Variants in LOC128706666 observed in about 807,000 individuals in gnomAD.
the LOC128706666 span, among the ~76,000 whole-genome samples, chr20:10,414,910 G>A: frequency 2.0e-5 from 3 of 152,076 alleles, no homozygotes; most frequent in East Asian, 3.9e-4. Flanking sequence ...CCTAGTCAAC[G>A]AATCCTCCCC....
the LOC128706666 span, chr20:10,420,849 G>A: frequency 2.6e-5 from 4 of 152,122 alleles, no homozygotes; most frequent in South Asian, 8.3e-4. Context: ...GTAGCATGCT[G>A]TACTCTAACA....
At chr20:10,433,248 G>A in the LOC128706666 span, among the ~76,000 whole-genome samples, 4 of 152,122 alleles carry the variant, frequency 2.6e-5, no homozygotes, top group Non-Finnish European at 5.9e-5. Flanking sequence ...CAAGTGATCC[G>A]CCCGCCTCGG....
At chr20:10,418,805 T>A in the LOC128706666 span, among the ~76,000 whole-genome samples, 1 of 152,138 alleles carries the variant, frequency 6.6e-6, no homozygotes, top group African/African-American at 2.4e-5. Flanking sequence ...ACAATATACA[T>A]ACATAATATA....
chr20:10,417,381 CAGG>C, the LOC128706666 span, among the ~76,000 whole-genome samples: 2 of 152,108 alleles, frequency 1.3e-5, no homozygotes, highest in Non-Finnish European at 2.9e-5. Context: ...GAGGCCAAGG[CAGG>C]AGGATTGCTT....
chr20:10,425,053 CAA>C, the LOC128706666 span, among the ~76,000 whole-genome samples: 9 of 122,264 alleles, frequency 7.4e-5, no homozygotes, highest in Non-Finnish European at 8.8e-5. Context: ...AACTCCGTCT[CAA>C]AAAAAAAAAA....
At chr20:10,418,632 C>T in the LOC128706666 span, among the ~76,000 whole-genome samples, 1 of 152,118 alleles carries the variant, frequency 6.6e-6, no homozygotes, top group Non-Finnish European at 1.5e-5. Flanking sequence ...ACTACATTCA[C>T]CTAACATTTT....
At chr20:10,422,753 C>A in the LOC128706666 span, among the ~76,000 whole-genome samples, 39 of 151,392 alleles carry the variant, frequency 2.6e-4, no homozygotes, top group African/African-American at 9.0e-4. Flanking sequence ...GCTCTGTCAC[C>A]CAAGCTGTAG....
the LOC128706666 span, among the ~76,000 whole-genome samples, chr20:10,421,718 TAGACAA>T: frequency 1.7e-3 from 257 of 152,140 alleles, no homozygotes; most frequent in Non-Finnish European, 3.5e-3. Flanking sequence ...CGACCTAGTT[TAGACAA>T]AGAAACTGGG....
At chr20:10,432,984 C>T in the LOC128706666 span, among the ~76,000 whole-genome samples, 24 of 152,128 alleles carry the variant, frequency 1.6e-4, no homozygotes, top group African/African-American at 5.8e-4. Context: ...ACAGATGTAA[C>T]CATCTTTTTT....
the LOC128706666 span, chr20:10,413,998 T>C: frequency 2.5e-6 from 1 of 395,528 alleles, no homozygotes; most frequent in Non-Finnish European, 4.4e-6. Context: ...TGCAGTTTAA[T>C]AATTTATTCT....
chr20:10,422,199 A>G, the LOC128706666 span, among the ~76,000 whole-genome samples: 1 of 152,146 alleles, frequency 6.6e-6, no homozygotes, highest in Non-Finnish European at 1.5e-5. Context: ...AAAGGTCTCA[A>G]TTCATATTTT....
the LOC128706666 span, among the ~76,000 whole-genome samples, chr20:10,430,074 C>T: frequency 2.2e-3 from 334 of 152,316 alleles, 1 homozygote; most frequent in Middle Eastern, 6.8e-3. Flanking sequence ...TGGTTGTATT[C>T]CTGCTTTGCT....
the LOC128706666 span, among the ~76,000 whole-genome samples, chr20:10,431,107 A>G: frequency 6.6e-6 from 1 of 152,226 alleles, no homozygotes; most frequent in Non-Finnish European, 1.5e-5. Flanking sequence ...GGAAGTGCTC[A>G]ATACACGGCA....
chr20:10,429,822 C>T, the LOC128706666 span, among the ~76,000 whole-genome samples: 2 of 152,172 alleles, frequency 1.3e-5, no homozygotes, highest in Non-Finnish European at 2.9e-5. Flanking sequence ...CTCAACAGTG[C>T]CATTAGCAAC....
the LOC128706666 span, among the ~76,000 whole-genome samples, chr20:10,427,029 G>GACACAC: frequency 0.046 from 6,006 of 130,630 alleles, 199 homozygotes; most frequent in African/African-American, 0.06. Context: ...AGAAAACACT[G>GACACAC]ACACACACAC....
the LOC128706666 span, among the ~76,000 whole-genome samples, chr20:10,427,664 A>G: frequency 1.3e-5 from 2 of 152,252 alleles, no homozygotes; most frequent in Non-Finnish European, 2.9e-5. Context: ...GTGGTCTTCA[A>G]CTGTGCTATG....
At chr20:10,425,199 C>T in the LOC128706666 span, among the ~76,000 whole-genome samples, 1 of 152,196 alleles carries the variant, frequency 6.6e-6, no homozygotes, top group South Asian at 2.1e-4. Context: ...AAAATGTGAT[C>T]ATGATACACA....
the LOC128706666 span, among the ~76,000 whole-genome samples, chr20:10,428,058 G>A: frequency 1.2e-4 from 18 of 152,200 alleles, no homozygotes; most frequent in African/African-American, 4.3e-4. Context: ...AAAATATACT[G>A]AAAGCATCAT....
the LOC128706666 span, among the ~76,000 whole-genome samples, chr20:10,424,052 G>A: frequency 2.6e-5 from 4 of 152,180 alleles, no homozygotes; most frequent in Non-Finnish European, 5.9e-5. Context: ...AGAGGCTTGG[G>A]AAATGATTAG....
Sources: allele counts gnomAD v4.1 joint callset (sites outside exome capture counted in the v4.1 genomes callset), GRCh38; gene constraint gnomAD v4.1.1; transcripts MANE v1.5.